The following ARFIP1 variants were observed in gnomAD, a reference collection of about 807,000 sequenced individuals.
The protein encoded by ARFIP1 is ARF interacting protein 1.
In ARFIP1, 24 loss-of-function variants were observed where a neutral mutation model predicts 42.5. The observed-to-expected ratio is 0.57, with a 90% confidence interval of 0.41 to 0.80. The LOEUF (loss-of-function observed/expected upper bound fraction) is 0.80, where lower values mean the gene tolerates loss of function less well. Ranked by LOEUF, ARFIP1 falls within the 30% of genes least tolerant of loss-of-function variation. The pLI, the probability that ARFIP1 is intolerant of heterozygous loss-of-function variation, is 0.00. For synonymous variants in ARFIP1, 141 were observed against 153.7 expected, an observed-to-expected ratio of 0.92 and a Z score of 0.61; for missense variants, 354 against 434.0, an observed-to-expected ratio of 0.82 and a Z score of 1.64.
At chr4:152,879,375 GTA>G (rs1265603773) in intron 5 of ARFIP1, among the ~76,000 whole-genome samples, 1 of 152,114 alleles carries the variant, frequency 6.6e-6, no homozygotes, top group East Asian at 1.9e-4. Context: ...ATCTGAGATT[GTA>G]TATGTTTGAA....
At chr4:152,874,799 G>C (rs1411041376) in intron 5 of ARFIP1, among the ~76,000 whole-genome samples, 1 of 152,004 alleles carries the variant, frequency 6.6e-6, no homozygotes, top group African/African-American at 2.4e-5. Flanking sequence ...TGAGCAGCTG[G>C]GATACAGGCA....
At chr4:152,813,329 C>A (rs1729618473) in intron 1 of ARFIP1, among the ~76,000 whole-genome samples, 1 of 152,046 alleles carries the variant, frequency 6.6e-6, no homozygotes, top group Non-Finnish European at 1.5e-5. Flanking sequence ...GGTCCTGGAA[C>A]CAGTCCCCCA....
intron 1 of ARFIP1, among the ~76,000 whole-genome samples, chr4:152,823,869 C>T (rs559586559): frequency 1.8e-4 from 27 of 150,396 alleles, no homozygotes; most frequent in African/African-American, 6.1e-4. Context: ...CTCCCTAACT[C>T]ATCTTATGGG....
chr4:152,805,315 A>G (rs534374993), intron 1 of ARFIP1, among the ~76,000 whole-genome samples: 1 of 152,350 alleles, frequency 6.6e-6, no homozygotes, highest in East Asian at 1.9e-4. Flanking sequence ...GGATTTACCA[A>G]GAGGCTATGA....
chr4:152,886,043 C>T (rs1231114616), intron 7 of ARFIP1, among the ~76,000 whole-genome samples: 1 of 151,978 alleles, frequency 6.6e-6, no homozygotes, highest in Non-Finnish European at 1.5e-5. Flanking sequence ...GGCTCCTGAA[C>T]CCATGGATTT....
In ARFIP1 at chr4:152,891,818, CTT is replaced by C. The variant is rs200591763; in HGVS notation, c.966+3512_966+3513del. Among the ~76,000 whole-genome samples the C allele has an allele frequency of 4.3e-3, 650 of 152,256 alleles. 4 individuals carry two copies. The highest frequency in any genetic ancestry group is 0.015 in the African/African-American group (608 of 41,536). The stretch of plus-strand genomic sequence containing the variant: ...CCACCACCTGGGTTCAAGCAGTTCT[CTT>C]GCCTCAGCCTCTCTGTAGCTGGAAT... On this transcript the variant is annotated intron_variant, in intron 8 of 8. Coordinates refer to ENST00000353617, the MANE Select transcript of ARFIP1 (RefSeq NM_001025595.3).
At position 152,910,314 on chromosome 4, in the gene ARFIP1, C is replaced by G; in HGVS notation, c.*95C>G. The G allele has an allele frequency of 5.1e-6, 7 of 1,385,320 alleles. No individual in the cohort carries two copies. Among genetic ancestry groups the G allele is most frequent in the Non-Finnish European group, 6.9e-6 (7 of 1,020,870 alleles). The allele number at this position is 1,385,320 out of a possible 1,614,324, so 85.8% of individuals were successfully genotyped here. A position where few individuals can be genotyped will look rare whatever the true frequency, so the allele number is the denominator to read the frequency against. Reference sequence around the variant, plus strand: ...GAGTTGGGGGAAGTGGGAGGGGTGACAAGCATTATAGTGATTCTTGCACAA... The same window carrying G: ...GAGTTGGGGGAAGTGGGAGGGGTGAGAAGCATTATAGTGATTCTTGCACAA... On this transcript the variant is annotated 3_prime_UTR_variant, in exon 9 of 9. Coordinates refer to ENST00000353617, the MANE Select transcript of ARFIP1 (RefSeq NM_001025595.3).
rs146317263 is a variant in ARFIP1 at position 152,795,468 on chromosome 4, A to G, written c.-10+15242A>G. ...TTGAATATGGCACATCCAAGTTTCC[A>G]ATATTTTACAATTACAAAGAATGCT... On this transcript the variant is annotated intron_variant, in intron 1 of 8. Coordinates refer to ENST00000353617, the MANE Select transcript of ARFIP1 (RefSeq NM_001025595.3). Among the ~76,000 whole-genome samples the G allele has an allele frequency of 3.3e-4, 50 of 152,294 alleles. 1 individual carries two copies. The highest frequency in any genetic ancestry group is 9.6e-4 in the African/African-American group (40 of 41,560).
intron 1 of ARFIP1, among the ~76,000 whole-genome samples, chr4:152,810,687 G>A (rs1049744691): frequency 6.6e-6 from 1 of 152,010 alleles, no homozygotes; most frequent in African/African-American, 2.4e-5. Context: ...GTGGTGGCGG[G>A]TGCCTGTAGT....
intron 1 of ARFIP1, among the ~76,000 whole-genome samples, chr4:152,795,533 C>T (rs538195245): frequency 5.7e-4 from 86 of 151,946 alleles, no homozygotes; most frequent in Non-Finnish European, 9.6e-4. Flanking sequence ...AGGTATATTC[C>T]CAGGGTGGAT....
At chr4:152,904,196 ATAT>A (rs779575567) in intron 8 of ARFIP1, among the ~76,000 whole-genome samples, 31 of 88,052 alleles carry the variant, frequency 3.5e-4, no homozygotes, top group Non-Finnish European at 6.1e-4. Context: ...ATATATATAT[ATAT>A]TTTTTTTTTT....
At chr4:152,908,397 G>A (rs979722900) in intron 8 of ARFIP1, among the ~76,000 whole-genome samples, 8 of 152,096 alleles carry the variant, frequency 5.3e-5, no homozygotes, top group African/African-American at 1.4e-4. Flanking sequence ...AGGCCAAGGC[G>A]GGCAGATCAC....
chr4:152,783,410 C>T (rs556931853), intron 1 of ARFIP1, among the ~76,000 whole-genome samples: 2 of 152,208 alleles, frequency 1.3e-5, no homozygotes, highest in Non-Finnish European at 2.9e-5. Context: ...GTAACAGTTA[C>T]ATTTATTTGC....
chr4:152,794,485 A>G (rs1172379340), intron 1 of ARFIP1, among the ~76,000 whole-genome samples: 1 of 152,146 alleles, frequency 6.6e-6, no homozygotes, highest in African/African-American at 2.4e-5. Context: ...GGTTTATGAT[A>G]TATGTCTTAC....
chr4:152,909,180 T>G (rs1738633901), intron 8 of ARFIP1, among the ~76,000 whole-genome samples: 1 of 151,662 alleles, frequency 6.6e-6, no homozygotes, highest in African/African-American at 2.4e-5. Context: ...AGGTCAGGAG[T>G]TTGAGACCAG....
rs146121598 is a variant in ARFIP1, at chr4:152,888,393, C to G, written c.966+86C>G. On this transcript the variant is annotated intron_variant, in intron 8 of 8. Coordinates refer to ENST00000353617, the MANE Select transcript of ARFIP1 (RefSeq NM_001025595.3). ...GTCAGTTTTTCTGTTTCTGTTAACT[C>G]TCTTGTATGACAATTGCAAGAAGGA... 8,320 of 935,516 alleles carry G rather than the reference C, an allele frequency of 8.9e-3. 59 individuals carry two copies. Among genetic ancestry groups the G allele is most frequent in the Non-Finnish European group, 0.011 (7,258 of 650,522 alleles). 58.0% of individuals were successfully genotyped at this position (935,516 alleles called of 1,614,324 possible). A position where few individuals can be genotyped will look rare whatever the true frequency, so the allele number is the denominator to read the frequency against.
At chr4:152,889,255 T>G (rs1417863317) in intron 8 of ARFIP1, among the ~76,000 whole-genome samples, 1 of 152,054 alleles carries the variant, frequency 6.6e-6, no homozygotes, top group South Asian at 2.1e-4. Flanking sequence ...CCTTAGAAAC[T>G]CTCATGGCTA....
chr4:152,797,590 T>C lies in ARFIP1; in HGVS notation c.-10+17364T>C, dbSNP rs74317856. 1.5e-3 allele frequency among the ~76,000 whole-genome samples: 231 copies of C among 152,348 alleles called. 6 individuals are homozygous for C. In the East Asian group the frequency reaches 0.036, roughly 24 times the overall value. On this transcript the variant is annotated intron_variant, in intron 1 of 8. Coordinates refer to ENST00000353617, the MANE Select transcript of ARFIP1 (RefSeq NM_001025595.3). Reference sequence around the variant, plus strand: ...GTCATCCTGTCTTAGAATGGGGATATCTTTCTCTTTGCTCAAGTGTTCTTC... The same window carrying C: ...GTCATCCTGTCTTAGAATGGGGATACCTTTCTCTTTGCTCAAGTGTTCTTC...
rs940528802 is a variant in ARFIP1, at chr4:152,912,035, G to A, written c.*1816G>A. ...TGTCACTTATAATTGTTTTAGCTCA[G>A]TAAGCTATTTTTTTTCAATGTGAAT... On this transcript the variant is annotated 3_prime_UTR_variant, in exon 9 of 9. Transcript: ENST00000353617. 2.0e-5 allele frequency: 3 copies of A among 152,372 alleles called. No homozygotes were observed. The highest frequency in any genetic ancestry group is 4.4e-5 in the Non-Finnish European group (3 of 67,984). The allele number at this position is 152,372 out of a possible 1,614,324, so 9.4% of individuals were successfully genotyped here. A position where few individuals can be genotyped will look rare whatever the true frequency, so the allele number is the denominator to read the frequency against.
Sources: gnomAD v4.1 joint callset for allele counts (sites outside exome capture counted in the v4.1 genomes callset) on GRCh38, gnomAD v4.1.1 for gene constraint, MANE v1.5 for transcripts, NCBI Gene and HGNC (gene_info 2026-07-23, HGNC 2026-07-21) for gene names.